The following EPHA6 variants were observed in gnomAD, a reference collection of about 807,000 sequenced individuals.
EPHA6 encodes the protein EPH receptor A6, also known as ephrin type-A receptor 6.
EPHA6 carries 50 observed loss-of-function variants against 112.0 expected under a neutral mutation model. That is an observed-to-expected ratio of 0.45 (90% CI 0.36 to 0.56). The LOEUF is 0.56. Among genes scored for constraint, EPHA6 ranks in the 20% least tolerant of loss-of-function variants. The pLI, the probability that EPHA6 is intolerant of heterozygous loss-of-function variation, is 0.00. For synonymous variants in EPHA6, 529 were observed against 490.7 expected (o/e 1.08, Z -1.03); for missense variants, 1,280 against 1,417.4 (o/e 0.90, Z 1.56).
intron 2 of EPHA6, among the ~76,000 whole-genome samples, chr3:96,968,980 G>T (rs1209556546): frequency 6.6e-6 from 1 of 151,754 alleles, no homozygotes; most frequent in Non-Finnish European, 1.5e-5. Flanking sequence ...CAGTTTTACA[G>T]AAATAATATA....
intron 7 of EPHA6, among the ~76,000 whole-genome samples, chr3:97,460,522 C>T (rs1053267299): frequency 2.0e-5 from 3 of 152,150 alleles, no homozygotes; most frequent in African/African-American, 7.2e-5. Context: ...ATAAGCAAAA[C>T]ATTTTATATG....
chr3:97,682,487 A>G (rs2031936210), intron 14 of EPHA6, among the ~76,000 whole-genome samples: 1 of 152,142 alleles, frequency 6.6e-6, no homozygotes, highest in Admixed American at 6.5e-5. Context: ...TATTGACGTA[A>G]AGAACAGACC....
intron 3 of EPHA6, among the ~76,000 whole-genome samples, chr3:97,030,005 G>A (rs1456269644): frequency 1.3e-5 from 2 of 152,160 alleles, no homozygotes; most frequent in East Asian, 3.9e-4. Flanking sequence ...TTATGAGATT[G>A]TCAATAGAAT....
chr3:97,118,698 T>C (rs1175041110), intron 3 of EPHA6, among the ~76,000 whole-genome samples: 4 of 151,916 alleles, frequency 2.6e-5, no homozygotes, highest in African/African-American at 9.7e-5. Flanking sequence ...ATTTCCAGTC[T>C]ATAGTACCCA....
chr3:97,293,341 G>A (rs2080760392), intron 5 of EPHA6, among the ~76,000 whole-genome samples: 2 of 151,650 alleles, frequency 1.3e-5, no homozygotes, highest in African/African-American at 4.8e-5. Context: ...AGGGTAGGTT[G>A]CTCCTTTTGG....
chr3:97,575,725 C>T (rs773907046), intron 11 of EPHA6, among the ~76,000 whole-genome samples: 7 of 152,076 alleles, frequency 4.6e-5, no homozygotes, highest in Non-Finnish European at 1.0e-4. Flanking sequence ...CACATAGGCA[C>T]ATTCGCATTT....
intron 6 of EPHA6, among the ~76,000 whole-genome samples, chr3:97,406,606 T>A (rs1456672352): frequency 1.3e-5 from 2 of 152,170 alleles, no homozygotes; most frequent in African/African-American, 4.8e-5. Context: ...CTTCCTCTAT[T>A]CTACTGCTTC....
At chr3:97,672,792 C>T (rs1208359219) in intron 14 of EPHA6, among the ~76,000 whole-genome samples, 1 of 152,188 alleles carries the variant, frequency 6.6e-6, no homozygotes, top group Non-Finnish European at 1.5e-5. Flanking sequence ...AATGACTACT[C>T]ACAAGATCAT....
At chr3:96,884,725 T>C (rs1337599100) in intron 2 of EPHA6, among the ~76,000 whole-genome samples, 8 of 152,206 alleles carry the variant, frequency 5.3e-5, no homozygotes, top group Non-Finnish European at 1.2e-4. Context: ...TCTTCCTTCT[T>C]GTCTGATTGC....
intron 3 of EPHA6, among the ~76,000 whole-genome samples, chr3:97,071,965 T>C (rs1371016597): frequency 6.6e-6 from 1 of 152,026 alleles, no homozygotes; most frequent in Admixed American, 6.6e-5. Context: ...TAAGAATATA[T>C]GGTGTTTGGT....
At chr3:97,730,090 C>A (rs139024117) in intron 15 of EPHA6, among the ~76,000 whole-genome samples, 11 of 152,156 alleles carry the variant, frequency 7.2e-5, no homozygotes, top group South Asian at 4.1e-4. Flanking sequence ...AAATGTGATA[C>A]CCTGCACAGT....
At chr3:97,130,063 A>G (rs1222397608) in intron 3 of EPHA6, among the ~76,000 whole-genome samples, 1 of 152,166 alleles carries the variant, frequency 6.6e-6, no homozygotes, top group Non-Finnish European at 1.5e-5. Flanking sequence ...GGTCTCTCAT[A>G]TGATCAAAAT....
intron 2 of EPHA6, among the ~76,000 whole-genome samples, chr3:96,986,669 T>C (rs1263307737): frequency 6.6e-6 from 1 of 152,184 alleles, no homozygotes; most frequent in Non-Finnish European, 1.5e-5. Context: ...ACTTTTTAAT[T>C]GTCTCTCTTC....
intron 16 of EPHA6, among the ~76,000 whole-genome samples, chr3:97,738,470 G>T (rs2035367506): frequency 6.6e-6 from 1 of 152,052 alleles, no homozygotes; most frequent in South Asian, 2.1e-4. Flanking sequence ...AAGAAAAGCA[G>T]ATAAAACAAT....
intron 3 of EPHA6, among the ~76,000 whole-genome samples, chr3:97,213,818 ACT>A (rs999204777): frequency 5.9e-5 from 9 of 152,022 alleles, no homozygotes; most frequent in Non-Finnish European, 1.2e-4. Flanking sequence ...AGAGCATTTT[ACT>A]CTTATTCTTT....
intron 6 of EPHA6, among the ~76,000 whole-genome samples, chr3:97,427,712 A>G (rs2089239155): frequency 1.3e-5 from 2 of 152,178 alleles, no homozygotes; most frequent in South Asian, 4.1e-4. Flanking sequence ...TGGTACATAT[A>G]CACCATGGAA....
rs866164885 is a variant in EPHA6 at position 97,696,270 on chromosome 3, G to A, written c.2785-23991G>A. Among the ~76,000 whole-genome samples the A allele has an allele frequency of 1.4e-4, 21 of 152,328 alleles. 1 individual carries two copies. Among genetic ancestry groups the A allele is most frequent in the Middle Eastern group, 3.4e-3 (1 of 292 alleles). ...GGGGCTATGAGAGGGAGAACAGAGA[G>A]CAGGATAGATCTTACTCCATTGGTG... On this transcript the variant is annotated intron_variant, in intron 14 of 17. Coordinates refer to ENST00000389672, the MANE Select transcript of EPHA6 (RefSeq NM_001080448.3).
At position 97,349,273 on chromosome 3, in the gene EPHA6, A is replaced by G. The variant is rs1179944359; in HGVS notation, c.1607-55877A>G. Reference sequence around the variant, plus strand: ...GATCAGGATTTTAGTTTTGAAAAGCATTCAAGTTCCATTAATATAAAAGTA... The same window carrying G: ...GATCAGGATTTTAGTTTTGAAAAGCGTTCAAGTTCCATTAATATAAAAGTA... On this transcript the variant is annotated intron_variant, in intron 5 of 17. Coordinates refer to ENST00000389672, the MANE Select transcript of EPHA6 (RefSeq NM_001080448.3). Among the ~76,000 whole-genome samples the G allele has an allele frequency of 3.9e-5, 6 of 152,104 alleles. No individual in the cohort carries two copies. In the East Asian group the frequency reaches 1.2e-3, roughly 29 times the overall value.
At chr3:96,898,825 C>T (rs1436196846) in intron 2 of EPHA6, among the ~76,000 whole-genome samples, 6 of 151,632 alleles carry the variant, frequency 4.0e-5, no homozygotes, top group Non-Finnish European at 7.4e-5. Flanking sequence ...GTCAGGAGAT[C>T]GAGACCATCC....
Sources: gnomAD v4.1 joint callset for allele counts (sites outside exome capture counted in the v4.1 genomes callset) on GRCh38, gnomAD v4.1.1 for gene constraint, MANE v1.5 for transcripts, NCBI Gene and HGNC (gene_info 2026-07-23, HGNC 2026-07-21) for gene names.